The following ARHGAP39 variants were observed in gnomAD, a reference collection of about 807,000 sequenced individuals.
ARHGAP39 encodes the protein rho GTPase-activating protein 39.
In ARHGAP39, 44 loss-of-function variants were observed where a neutral mutation model predicts 106.9. The observed-to-expected ratio is 0.41, with a 90% CI of 0.32 to 0.53. The LOEUF (loss-of-function observed/expected upper bound fraction) is 0.53. ARHGAP39 is among the 20% of genes least tolerant of loss of function. ARHGAP39 has a pLI of 0.21. For missense variants in ARHGAP39, 1,496 were observed against 1,577.3 expected (o/e 0.95, Z 0.87); for synonymous variants, 768 against 693.2 (o/e 1.11, Z -1.69).
At chr8:144,595,138 A>C (rs1245093696) in intron 2 of ARHGAP39, among the ~76,000 whole-genome samples, 1 of 152,236 alleles carries the variant, frequency 6.6e-6, no homozygotes, top group African/African-American at 2.4e-5. Context: ...AGAAATCTGC[A>C]CACAAATGTT....
At chr8:144,688,773 C>T (rs56293010), upstream of ARHGAP39, among the ~76,000 whole-genome samples, 4 of 151,970 alleles carry the variant, frequency 2.6e-5, no homozygotes, top group Non-Finnish European at 2.9e-5. Flanking sequence ...CGCTCGTGGA[C>T]CAGGTGGTAT....
chr8:144,619,005 C>T (rs1480430521), intron 1 of ARHGAP39, among the ~76,000 whole-genome samples: 2 of 152,228 alleles, frequency 1.3e-5, no homozygotes, highest in African/African-American at 2.4e-5. Flanking sequence ...GTCTCCATAG[C>T]AGTCAAGGCC....
intron 3 of ARHGAP39, among the ~76,000 whole-genome samples, chr8:144,568,683 A>C (rs1227095395): frequency 6.6e-6 from 1 of 152,234 alleles, no homozygotes. Context: ...AATGGAGCCT[A>C]ATAAATGCTG....
At chr8:144,653,277 G>A (rs1212692884) in intron 1 of ARHGAP39, among the ~76,000 whole-genome samples, 2 of 151,992 alleles carry the variant, frequency 1.3e-5, no homozygotes, top group Non-Finnish European at 2.9e-5. Flanking sequence ...CTACAGCCTG[G>A]GCAACAAGAG....
chr8:144,566,987 G>A (rs1335202375), intron 3 of ARHGAP39, among the ~76,000 whole-genome samples: 2 of 152,224 alleles, frequency 1.3e-5, no homozygotes, highest in East Asian at 3.9e-4. Flanking sequence ...GTGGCAAAAA[G>A]GAATAAATCT....
At chr8:144,616,184 T>C (rs1385797316) in intron 1 of ARHGAP39, among the ~76,000 whole-genome samples, 2 of 152,224 alleles carry the variant, frequency 1.3e-5, no homozygotes, top group Admixed American at 1.3e-4. Context: ...GTGTGACAAG[T>C]TCCTGAGAGA....
In ARHGAP39 at chr8:144,591,066, C is replaced by T. The variant is rs371782731; in HGVS notation, c.81-9789G>A. On this transcript the variant is annotated intron_variant, in intron 2 of 11. Coordinates refer to ENST00000377307, the MANE Select transcript of ARHGAP39 (RefSeq NM_025251.3). The surrounding 1 kb of genome is among the most constrained non-coding windows in gnomAD (Gnocchi z 5.3). ...GCAAAGCCCCCATCCCCCTGGTCCA[C>T]TCCTCAGCCTGGCCGGTCTCTGTCA... Among the ~76,000 whole-genome samples, 1 of 152,364 alleles carries T rather than the reference C, an allele frequency of 6.6e-6. No homozygotes were observed. Among genetic ancestry groups the T allele is most frequent in the South Asian group, 2.1e-4 (1 of 4,832 alleles).
At chr8:144,661,213 G>A (rs1821813850) in intron 1 of ARHGAP39, among the ~76,000 whole-genome samples, 1 of 152,052 alleles carries the variant, frequency 6.6e-6, no homozygotes, top group Non-Finnish European at 1.5e-5. Context: ...GTGGAGCAGA[G>A]GAGGCCATTC....
chr8:144,656,242 C>T (rs1054549609), intron 1 of ARHGAP39, among the ~76,000 whole-genome samples: 3 of 150,298 alleles, frequency 2.0e-5, no homozygotes, highest in Non-Finnish European at 4.4e-5. Context: ...CCTGTAATCC[C>T]AATACTTTGA....
chr8:144,681,644 A>G (rs982505267), intron 1 of ARHGAP39, among the ~76,000 whole-genome samples: 4 of 152,196 alleles, frequency 2.6e-5, no homozygotes, highest in African/African-American at 9.6e-5. Context: ...GGACATGCCA[A>G]CTCTCCATGT....
intron 3 of ARHGAP39, among the ~76,000 whole-genome samples, chr8:144,571,176 CA>C: frequency 6.6e-6 from 1 of 151,584 alleles, no homozygotes; most frequent in Middle Eastern, 3.4e-3. Flanking sequence ...AGAGACACAA[CA>C]AAAAAAAGAG....
At chr8:144,538,774 T>C (rs2130826633) in intron 6 of ARHGAP39, among the ~76,000 whole-genome samples, 1 of 152,266 alleles carries the variant, frequency 6.6e-6, no homozygotes. Flanking sequence ...TTTCACCATG[T>C]TGGCCAGGCT....
In ARHGAP39 at chr8:144,594,492, C is replaced by T. The variant is rs181200025; in HGVS notation, c.80+11043G>A. 3.7e-3 allele frequency among the ~76,000 whole-genome samples: 555 copies of T among 151,858 alleles called. 30 individuals are homozygous for T. The East Asian group carries it at 0.078, about 21-fold the overall frequency. ...GGCAGATCACCTGAGGTCAGGAGTT[C>T]GAGACCAGCCTCACCAACATGGTGA... On this transcript the variant is annotated intron_variant, in intron 2 of 11. Transcript: ENST00000377307.
upstream of ARHGAP39, among the ~76,000 whole-genome samples, chr8:144,687,032 G>A (rs1253836148): frequency 7.7e-5 from 9 of 117,302 alleles, no homozygotes; most frequent in South Asian, 2.8e-4. Flanking sequence ...CCACGCACTG[G>A]CGGCGAGCAC....
At position 144,559,301 on chromosome 8, in the gene ARHGAP39, G is replaced by C. The variant is rs555397342; in HGVS notation, c.513-3658C>G. ...GAATTGTTTGAACCTGGGAGGTGGA[G>C]CTTGCAGTGAGCCGAGATCGTGCAA... On this transcript the variant is annotated intron_variant, in intron 3 of 11. Coordinates refer to ENST00000377307, the MANE Select transcript of ARHGAP39 (RefSeq NM_025251.3). Among the ~76,000 whole-genome samples, 3 of 145,198 alleles carry C rather than the reference G, an allele frequency of 2.1e-5. No homozygotes were observed. The East Asian group carries it at 6.1e-4, about 29-fold the overall frequency.
intron 1 of ARHGAP39, among the ~76,000 whole-genome samples, chr8:144,640,707 C>T (rs948309734): frequency 3.9e-5 from 6 of 152,274 alleles, no homozygotes; most frequent in South Asian, 4.1e-4. Flanking sequence ...AGTGTTTTCC[C>T]GATAAATACC....
intron 1 of ARHGAP39, among the ~76,000 whole-genome samples, chr8:144,626,568 C>T (rs1457362243): frequency 7.1e-6 from 1 of 141,206 alleles, no homozygotes; most frequent in African/African-American, 2.7e-5. Context: ...TCACGGAGCA[C>T]CCACTGCACA....
chr8:144,591,755 G>T lies in ARHGAP39; in HGVS notation c.81-10478C>A, dbSNP rs911844218. ...ACACCAAGGACAGGACCACATGGAC[G>T]CAGGTCAAACGCGGTGAGCAGTGAG... On this transcript the variant is annotated intron_variant, in intron 2 of 11. Coordinates refer to ENST00000377307, the MANE Select transcript of ARHGAP39 (RefSeq NM_025251.3). The surrounding 1 kb of genome is among the most constrained non-coding windows in gnomAD (Gnocchi z 5.3). Among the ~76,000 whole-genome samples the T allele has an allele frequency of 6.6e-6, 1 of 152,230 alleles. No homozygotes were observed. The highest frequency in any genetic ancestry group is 1.5e-5 in the Non-Finnish European group (1 of 68,032).
At chr8:144,601,750 T>TGTGA (rs1819969710) in intron 2 of ARHGAP39, among the ~76,000 whole-genome samples, 2 of 141,988 alleles carry the variant, frequency 1.4e-5, no homozygotes, top group Middle Eastern at 4.3e-3. Context: ...GAGGCGTGTG[T>TGTGA]GCTCGTGAAC....
Sources: gnomAD v4.1 joint callset for allele counts (sites outside exome capture counted in the v4.1 genomes callset) on GRCh38, gnomAD v4.1.1 for gene constraint, Gnocchi (gnomAD v3.1) non-coding constraint, MANE v1.5 for transcripts, NCBI Gene and HGNC (gene_info 2026-07-23, HGNC 2026-07-21) for gene names.